Variants in ATAD3A observed in about 807,000 individuals in gnomAD.
The protein encoded by ATAD3A is ATPase family AAA domain-containing protein 3A.
ATAD3A carries 46 observed loss-of-function variants against 73.8 expected under a neutral mutation model. That is an observed-to-expected ratio of 0.62 (90% CI 0.49 to 0.80). The LOEUF (loss-of-function observed/expected upper bound fraction) is 0.80, where lower values mean the gene tolerates loss of function less well. ATAD3A is among the 30% of genes least tolerant of loss of function. The probability of loss-of-function intolerance (pLI) is 0.00; values close to 1 mark genes in which losing one functional copy is unlikely to be tolerated. For synonymous variants in ATAD3A, 319 were observed against 350.0 expected (o/e 0.91, Z 0.99); for missense variants, 705 against 838.0 (o/e 0.84, Z 1.96).
chr1:1,522,473 G>T (rs1241773965), intron 7 of ATAD3A, among the ~76,000 whole-genome samples: 3 of 152,230 alleles, frequency 2.0e-5, no homozygotes, highest in Non-Finnish European at 4.4e-5. Flanking sequence ...TCTGTCCAGG[G>T]CCCCGCTCAG....
At chr1:1,525,323 G>C (rs201275592) in intron 12 of ATAD3A, 32 bp downstream of exon 12, 1 of 1,613,484 alleles carries the variant, frequency 6.2e-7, no homozygotes, top group African/African-American at 1.3e-5. Flanking sequence ...GCCACAATGG[G>C]GTGGTGGGGT....
intron 14 of ATAD3A, 91 bp downstream of exon 14, chr1:1,527,953 C>T: frequency 5.2e-6 from 6 of 1,143,994 alleles, no homozygotes; most frequent in Non-Finnish European, 7.3e-6. Flanking sequence ...AAACCTTTAA[C>T]ATTCCTTTTT....
Position 1,522,778 on chromosome 1 carries a change from A to G in ATAD3A, c.785A>G (p.Tyr262Cys). The change falls in exon 8 of 16, where the codon TAC (tyrosine) becomes TGC (cysteine). Residue 262 changes from tyrosine (Y) to cysteine (C), a missense_variant. This residue lies in a region of ATAD3A where 315 missense variants were observed against 334.1 expected (regional missense o/e 0.94). Transcript: ENST00000378756. ...CTGACGCTGCTGGCTGTTGGGGTCT[A>G]CTCAGCCAAGAATGCCACGCTTGTC... ...AGLTLLAVGV[Y>C]SAKNATLVAG... 1 of 1,611,318 alleles carries G rather than the reference A, an allele frequency of 6.2e-7. No homozygotes were observed. The highest frequency in any genetic ancestry group is 1.9e-4 in the Middle Eastern group (1 of 5,356).
At chr1:1,518,032 C>T (rs1211454604) in intron 4 of ATAD3A, among the ~76,000 whole-genome samples, 1 of 151,774 alleles carries the variant, frequency 6.6e-6, no homozygotes, top group Non-Finnish European at 1.5e-5. Flanking sequence ...ACACTCCCAG[C>T]ACACACAGAC....
chr1:1,517,469 C>T, intron 3 of ATAD3A, 57 bp downstream of exon 3: 1 of 1,352,106 alleles, frequency 7.4e-7, no homozygotes, highest in Admixed American at 2.3e-5. Flanking sequence ...CGGCCTGGGG[C>T]AGGACTGGGA....
rs1475066478 is a variant in ATAD3A at position 1,534,176 on chromosome 1, G to A, written c.*104G>A. 1.9e-6 allele frequency: 3 copies of A among 1,587,214 alleles called. No homozygotes were observed. Among genetic ancestry groups the A allele is most frequent in the South Asian group, 1.1e-5 (1 of 88,276 alleles). On this transcript the variant is annotated 3_prime_UTR_variant, in exon 16 of 16. Coordinates refer to ENST00000378756, the MANE Select transcript of ATAD3A (RefSeq NM_001170535.3). ...AGGATATGCTCCTGGGTGGGGACTG[G>A]GCTGTGCCCAGGGCCTCTGTCCCCC...
chr1:1,522,565 C>T (rs1392857087), intron 7 of ATAD3A, among the ~76,000 whole-genome samples, 179 bp from the exon 8 acceptor site: 1 of 152,238 alleles, frequency 6.6e-6, no homozygotes, highest in Non-Finnish European at 1.5e-5. Flanking sequence ...CCCCACCTGC[C>T]TCCTGTAACC....
chr1:1,518,795 G>A, intron 4 of ATAD3A, 126 bp from the exon 5 acceptor site: 1 of 1,565,204 alleles, frequency 6.4e-7, no homozygotes, highest in Non-Finnish European at 8.7e-7. Flanking sequence ...CCGCAAACGG[G>A]CACCGTCACA....
intron 15 of ATAD3A, among the ~76,000 whole-genome samples, chr1:1,533,681 CTAT>C (rs1265855593): frequency 2.0e-5 from 3 of 151,878 alleles, no homozygotes; most frequent in Non-Finnish European, 2.9e-5. Flanking sequence ...CTTGGGCTTT[CTAT>C]TATTAGAAAG....
At position 1,534,557 on chromosome 1, in the gene ATAD3A, G is replaced by A. The variant is rs191784425; in HGVS notation, c.*485G>A. 88 of 337,556 alleles carry A rather than the reference G, an allele frequency of 2.6e-4. No homozygotes were observed. The East Asian group carries it at 6.8e-3, about 26-fold the overall frequency. 20.9% of individuals were successfully genotyped at this position (337,556 alleles called of 1,614,324 possible). A position where few individuals can be genotyped will look rare whatever the true frequency, so the allele number is the denominator to read the frequency against. On this transcript the variant is annotated 3_prime_UTR_variant, in exon 16 of 16. Coordinates refer to ENST00000378756, the MANE Select transcript of ATAD3A (RefSeq NM_001170535.3). Reference sequence around the variant, plus strand: ...GGCATGCCCCGATCTTTCACACACTGGTGACCCTGAGAGAGGAGGGAGGAG... The same window carrying A: ...GGCATGCCCCGATCTTTCACACACTAGTGACCCTGAGAGAGGAGGGAGGAG...
chr1:1,516,462 G>A (rs927239768), intron 2 of ATAD3A, among the ~76,000 whole-genome samples: 5 of 152,124 alleles, frequency 3.3e-5, no homozygotes, highest in African/African-American at 1.2e-4. Context: ...TTCCCAGGCT[G>A]GAGTTCTGTG....
Position 1,534,047 on chromosome 1 carries a change from GT to G in ATAD3A, c.1737del (p.Asp581ThrfsTer139). On this transcript the variant is annotated frameshift_variant, in exon 16 of 16. Coordinates refer to ENST00000378756, the MANE Select transcript of ATAD3A (RefSeq NM_001170535.3). LOFTEE classifies it low-confidence loss of function (END_TRUNC). ...MCWLKAEGPG[R>X]GDEPSPS Reference sequence around the variant, plus strand: ...TGGCTGAAGGCGGAAGGGCCTGGGCGTGGGGACGAGCCCTCCCCATCCTGAG... The same window carrying G: ...TGGCTGAAGGCGGAAGGGCCTGGGCGGGGGACGAGCCCTCCCCATCCTGAG... The G allele has an allele frequency of 6.2e-7, 1 of 1,613,600 alleles. No homozygotes were observed. The highest frequency in any genetic ancestry group is 8.5e-7 in the Non-Finnish European group (1 of 1,179,896).
Position 1,512,349 on chromosome 1 carries a change from C to A in ATAD3A, c.81C>A (p.Pro27=), listed in dbSNP as rs1002420548. 10 of 1,242,700 alleles carry A rather than the reference C, an allele frequency of 8.0e-6. No homozygotes were observed. In the African/African-American group the frequency reaches 1.4e-4, roughly 18 times the overall value. The allele number at this position is 1,242,700 out of a possible 1,614,324, so 77.0% of individuals were successfully genotyped here. A position where few individuals can be genotyped will look rare whatever the true frequency, so the allele number is the denominator to read the frequency against. ...CGCCGCCTTTGCCGCCCGCGCAGCC[C>A]GGGGCCGAGGGCGGCGGGGACCGCG... ...GPPPPLPPAQ[P]GAEGGGDRGL... Residue 27 remains proline (P), a synonymous_variant, in exon 1 of 16, where the codon CCC becomes CCA. Coordinates refer to ENST00000378756, the MANE Select transcript of ATAD3A (RefSeq NM_001170535.3).
chr1:1,521,555 G>A (rs1182898876), intron 7 of ATAD3A, among the ~76,000 whole-genome samples: 7 of 152,328 alleles, frequency 4.6e-5, no homozygotes, highest in African/African-American at 1.2e-4. Context: ...TTGCTCTGCC[G>A]TGGTGCCGGC....
chr1:1,528,993 G>C (rs1369362578), intron 14 of ATAD3A, among the ~76,000 whole-genome samples: 1 of 152,254 alleles, frequency 6.6e-6, no homozygotes, highest in Non-Finnish European at 1.5e-5. Context: ...CTGTGGGCAG[G>C]GCTGGTGTGA....
Position 1,534,173 on chromosome 1 carries a change from C to G in ATAD3A, c.*101C>G. On this transcript the variant is annotated 3_prime_UTR_variant, in exon 16 of 16. Transcript: ENST00000378756. ...TTTAGGATATGCTCCTGGGTGGGGA[C>G]TGGGCTGTGCCCAGGGCCTCTGTCC... 2 of 1,589,636 alleles carry G rather than the reference C, an allele frequency of 1.3e-6. No individual in the cohort carries two copies. Among genetic ancestry groups the G allele is most frequent in the Middle Eastern group, 2.1e-4 (1 of 4,822 alleles).
At position 1,512,530 on chromosome 1, in the gene ATAD3A, G is replaced by C. The variant is rs745632426; in HGVS notation, c.205+57G>C. ...GGCGGGCGGGACGGGCCGGGGAAGC[G>C]GGAGCCCTGGCCCTTGCCGCTCCTC... is the stretch of plus-strand genomic sequence containing the variant. On this transcript the variant is annotated intron_variant, in intron 1 of 15. Transcript: ENST00000378756. 2.2e-5 allele frequency: 29 copies of C among 1,319,396 alleles called. 2 individuals carry two copies. In the South Asian group the frequency reaches 3.7e-4, roughly 17 times the overall value. 81.7% of individuals were successfully genotyped at this position (1,319,396 alleles called of 1,614,324 possible).
intron 1 of ATAD3A, among the ~76,000 whole-genome samples, chr1:1,515,567 A>C (rs6669795): frequency 0.2 from 30,721 of 152,028 alleles, 6,200 homozygotes; most frequent in African/African-American, 0.49. Context: ...TGTCCTCGTC[A>C]CCCTGAGCTT....
At chr1:1,524,013 C>A in intron 10 of ATAD3A, 49 bp downstream of exon 10, 8 of 1,612,664 alleles carry the variant, frequency 5.0e-6, no homozygotes, top group Non-Finnish European at 6.8e-6. Context: ...TGGGGTCTCA[C>A]CTGCCTGCAG....
Sources: allele counts gnomAD v4.1 joint callset (sites outside exome capture counted in the v4.1 genomes callset), GRCh38; gene constraint gnomAD v4.1.1; regional missense constraint gnomAD v4.1.1; transcripts MANE v1.5; gene names NCBI Gene and HGNC (gene_info 2026-07-23, HGNC 2026-07-21).